The following CERS6 variants were observed in gnomAD, a reference collection of about 807,000 sequenced individuals.
The protein encoded by CERS6 is ceramide synthase 6.
A neutral mutation model predicts 56.8 loss-of-function variants in CERS6; 26 were observed. The ratio of observed to expected loss-of-function variants is 0.46; its 90% CI spans 0.34 to 0.63. CERS6 has a LOEUF of 0.63. Ranked by LOEUF, CERS6 falls within the 30% of genes least tolerant of loss-of-function variation. CERS6 has a pLI of 0.01. For missense variants in CERS6, 415 were observed against 467.5 expected, an observed-to-expected ratio of 0.89 and a Z score of 1.04; for synonymous variants, 164 against 173.3, an observed-to-expected ratio of 0.95 and a Z score of 0.42.
At chr2:168,536,210 C>T (rs983937693) in intron 1 of CERS6, among the ~76,000 whole-genome samples, 9 of 152,146 alleles carry the variant, frequency 5.9e-5, no homozygotes, top group East Asian at 1.9e-4. Flanking sequence ...TTCACTTTTG[C>T]TTATATCGTT....
intron 1 of CERS6, among the ~76,000 whole-genome samples, chr2:168,534,171 T>A (rs1022053625): frequency 6.6e-6 from 1 of 152,078 alleles, no homozygotes; most frequent in African/African-American, 2.4e-5. Context: ...ACATGCTCCT[T>A]CAGCTCAGTG....
intron 4 of CERS6, among the ~76,000 whole-genome samples, chr2:168,683,853 C>T (rs767836916): frequency 4.6e-5 from 7 of 152,112 alleles, no homozygotes; most frequent in Non-Finnish European, 7.3e-5. Context: ...TAGTGTACCA[C>T]GGTGACTGTT....
intron 3 of CERS6, among the ~76,000 whole-genome samples, chr2:168,629,516 A>G (rs1684664091): frequency 6.6e-6 from 1 of 152,206 alleles, no homozygotes; most frequent in Non-Finnish European, 1.5e-5. Flanking sequence ...ATATTAACAG[A>G]TTTGCCCAAA....
At chr2:168,757,300 G>A (rs559281471) in intron 8 of CERS6, among the ~76,000 whole-genome samples, 1 of 151,322 alleles carries the variant, frequency 6.6e-6, no homozygotes, top group African/African-American at 2.4e-5. Context: ...CCAGGCAGTG[G>A]CAGAATTAAG....
chr2:168,727,400 T>G (rs933678962), intron 8 of CERS6, among the ~76,000 whole-genome samples: 1 of 151,974 alleles, frequency 6.6e-6, no homozygotes, highest in African/African-American at 2.4e-5. Context: ...AATACATAAA[T>G]TAGCCGGGTG....
chr2:168,542,962 G>T (rs886464065), intron 1 of CERS6, among the ~76,000 whole-genome samples: 1 of 152,222 alleles, frequency 6.6e-6, no homozygotes, highest in Non-Finnish European at 1.5e-5. Context: ...CTCCCAACAC[G>T]CTGGGATTAC....
At chr2:168,621,981 A>G (rs766377463) in intron 3 of CERS6, among the ~76,000 whole-genome samples, 1 of 152,250 alleles carries the variant, frequency 6.6e-6, no homozygotes, top group East Asian at 1.9e-4. Context: ...GTCATTTAAT[A>G]CATTCTGAGT....
intron 3 of CERS6, among the ~76,000 whole-genome samples, chr2:168,589,022 G>A (rs1403622903): frequency 2.6e-5 from 4 of 152,220 alleles, no homozygotes; most frequent in Non-Finnish European, 5.9e-5. Context: ...CTACAGTTGT[G>A]GGCCACCACG....
chr2:168,721,548 GTTTTTGTTTTTT>G (rs1559067078), intron 8 of CERS6, among the ~76,000 whole-genome samples: 11 of 20,268 alleles, frequency 5.4e-4, no homozygotes, highest in Non-Finnish European at 1.5e-3. Flanking sequence ...TTTAGTTTTT[GTTTTTGTTTTTT>G]TTTTTGTTTA....
At chr2:168,662,325 A>G (rs1685651815) in intron 4 of CERS6, among the ~76,000 whole-genome samples, 1 of 152,300 alleles carries the variant, frequency 6.6e-6, no homozygotes, top group African/African-American at 2.4e-5. Context: ...GGCTAGTGCA[A>G]TTGCACAGTT....
chr2:168,622,098 T>C (rs1475544544), intron 3 of CERS6, among the ~76,000 whole-genome samples: 1 of 152,150 alleles, frequency 6.6e-6, no homozygotes, highest in Non-Finnish European at 1.5e-5. Flanking sequence ...CCCAGTAATA[T>C]TTGATGCTGT....
chr2:168,728,191 G>C (rs1683403435), intron 8 of CERS6, among the ~76,000 whole-genome samples: 1 of 152,040 alleles, frequency 6.6e-6, no homozygotes, highest in Non-Finnish European at 1.5e-5. Flanking sequence ...CAGGGTTATG[G>C]CCCAGAAAGC....
At chr2:168,612,944 C>G (rs1238920390) in intron 3 of CERS6, among the ~76,000 whole-genome samples, 1 of 152,180 alleles carries the variant, frequency 6.6e-6, no homozygotes, top group Non-Finnish European at 1.5e-5. Flanking sequence ...ACAGGTCTGG[C>G]TGTGGCACTC....
intron 4 of CERS6, among the ~76,000 whole-genome samples, chr2:168,631,789 T>TATATATA (rs1491239775): frequency 8.1e-6 from 1 of 123,586 alleles, no homozygotes; most frequent in Non-Finnish European, 1.6e-5. Flanking sequence ...GTATATTTGT[T>TATATATA]ATATATAATA....
At chr2:168,552,280 C>A (rs1359342567) in intron 2 of CERS6, among the ~76,000 whole-genome samples, 2 of 150,324 alleles carry the variant, frequency 1.3e-5, no homozygotes, top group Non-Finnish European at 3.0e-5. Flanking sequence ...GCCTGGAAAT[C>A]TTTCAAAAAA....
intron 1 of CERS6, among the ~76,000 whole-genome samples, chr2:168,472,766 G>A (rs1694000816): frequency 6.6e-6 from 1 of 152,136 alleles, no homozygotes; most frequent in African/African-American, 2.4e-5. Context: ...AAGATAAACA[G>A]ATTAAGGATG....
intron 8 of CERS6, among the ~76,000 whole-genome samples, chr2:168,738,980 G>C (rs968021461): frequency 2.0e-5 from 3 of 151,092 alleles, no homozygotes; most frequent in Non-Finnish European, 1.5e-5. Context: ...CCACCTCCCG[G>C]CTTCAAGCAA....
intron 3 of CERS6, among the ~76,000 whole-genome samples, chr2:168,586,448 C>T (rs1683544145): frequency 6.6e-6 from 1 of 151,858 alleles, no homozygotes; most frequent in Admixed American, 6.6e-5. Context: ...TTAGATTTTG[C>T]CCAAGTATAT....
In CERS6 at chr2:168,645,112, A is replaced by T. The variant is rs1477352842; in HGVS notation, c.465+14070A>T. Among the ~76,000 whole-genome samples the T allele has an allele frequency of 1.0e-2, 476 of 47,634 alleles. 33 individuals carry two copies. Among genetic ancestry groups the T allele is most frequent in the Middle Eastern group, 0.02 (2 of 100 alleles). 31.2% of individuals were successfully genotyped at this position (47,634 alleles called of 152,430 possible). On this transcript the variant is annotated intron_variant, in intron 4 of 9. Transcript: ENST00000305747. ...TCTTAAAAAAAAAAAAAAAAAAAAA[A>T]AAAAATATATATATATATATATATA... is the stretch of plus-strand genomic sequence containing the variant.
Sources: gnomAD v4.1 joint callset for allele counts (sites outside exome capture counted in the v4.1 genomes callset) on GRCh38, gnomAD v4.1.1 for gene constraint, MANE v1.5 for transcripts, NCBI Gene and HGNC (gene_info 2026-07-23, HGNC 2026-07-21) for gene names.